Variants in SPDYE16 observed in about 807,000 individuals in gnomAD.
SPDYE16 encodes the protein speedy protein E16.
SPDYE16 carries 5 observed loss-of-function variants against 40.1 expected under a neutral mutation model. That is an observed-to-expected ratio of 0.12 (90% CI 0.07 to 0.26). The LOEUF (loss-of-function observed/expected upper bound fraction) is 0.26. Ranked by LOEUF, SPDYE16 falls within the 10% of genes least tolerant of loss-of-function variation. The pLI is 1.00. For missense variants in SPDYE16, 98 were observed against 409.8 expected (o/e 0.24, Z 6.57); for synonymous variants, 40 against 154.2 (o/e 0.26, Z 5.49).
intron 1 of SPDYE16, among the ~76,000 whole-genome samples, 53 bp from the exon 2 acceptor site, chr7:76,541,933 T>C (rs1260856164): frequency 1.4e-5 from 2 of 145,412 alleles, no homozygotes; most frequent in Non-Finnish European, 3.1e-5. Context: ...GCAGAAACGA[T>C]GAAACCTTAT....
rs368183252 is a variant in SPDYE16, at chr7:76,534,127, C to T, written c.756-8G>A. 7.6e-6 allele frequency: 12 copies of T among 1,586,614 alleles called. No homozygotes were observed. In the East Asian group the frequency reaches 2.5e-4, roughly 33 times the overall value. ...ATGTCATTGGCCAGGTAGCTGAGGA[C>T]AGAAATCAGGTTGCTGCTCAGGGGC... On this transcript the variant is annotated splice_polypyrimidine_tract_variant and splice_region_variant and intron_variant, in intron 6 of 8. Transcript: ENST00000633306.
At chr7:76,539,205 G>T (rs1813110229) in intron 3 of SPDYE16, among the ~76,000 whole-genome samples, 1 of 97,788 alleles carries the variant, frequency 1.0e-5, no homozygotes, top group Non-Finnish European at 2.0e-5. Flanking sequence ...AGCCTCCCAA[G>T]TAGCTGGGAT....
intron 2 of SPDYE16, 67 bp downstream of exon 2, chr7:76,541,233 C>A: frequency 6.7e-7 from 1 of 1,483,886 alleles, no homozygotes; most frequent in East Asian, 2.5e-5. Context: ...CGTGAGCCAC[C>A]GCACCTGGCC....
chr7:76,542,116 G>GTGAGATTATCACGTGCAAGAGTGAGATT (rs777822515), intron 1 of SPDYE16, among the ~76,000 whole-genome samples: 1 of 152,022 alleles, frequency 6.6e-6, no homozygotes, highest in Non-Finnish European at 1.5e-5. Context: ...ATGTACAAGA[G>GTGAGATTATCACGTGCAAGAGTGAGATT]ATCCCAGGAA....
In SPDYE16 at chr7:76,531,714, A is replaced by G. The variant is rs1351515979; in HGVS notation, c.*1126T>C. 2.4e-5 allele frequency: 2 copies of G among 81,796 alleles called. 1 individual carries two copies. Among genetic ancestry groups the G allele is most frequent in the Non-Finnish European group, 4.8e-5 (2 of 42,084 alleles). The allele number at this position is 81,796 out of a possible 1,614,324, so 5.1% of individuals were successfully genotyped here. A position where few individuals can be genotyped will look rare whatever the true frequency, so the allele number is the denominator to read the frequency against. On this transcript the variant is annotated 3_prime_UTR_variant, in exon 9 of 9. Transcript: ENST00000633306. ...AAAGCAAAATTATACGTATGTGTAT[A>G]TAACAGTTATAACACCCATCACACA...
At chr7:76,541,189 C>G in intron 2 of SPDYE16, 111 bp downstream of exon 2, 4 of 1,446,314 alleles carry the variant, frequency 2.8e-6, no homozygotes, top group Non-Finnish European at 3.6e-6. Context: ...GGTGATCCGC[C>G]CGCCTCAGCC....
intron 3 of SPDYE16, among the ~76,000 whole-genome samples, chr7:76,539,447 CTTTTTTTTT>C (rs1193621613): frequency 3.3e-5 from 1 of 30,264 alleles, no homozygotes; most frequent in Non-Finnish European, 5.3e-5. Context: ...GCCCTTCCTT[CTTTTTTTTT>C]TTTTTTTTTT....
chr7:76,532,149 TAATA>T lies in SPDYE16; in HGVS notation c.*687_*690del, dbSNP rs1812938939. 2.4e-5 allele frequency: 2 copies of T among 82,386 alleles called. 1 individual carries two copies. The highest frequency in any genetic ancestry group is 8.4e-4 in the South Asian group (2 of 2,388). The allele number at this position is 82,386 out of a possible 1,614,324, so 5.1% of individuals were successfully genotyped here. A position where few individuals can be genotyped will look rare whatever the true frequency, so the allele number is the denominator to read the frequency against. The stretch of plus-strand genomic sequence containing the variant: ...AATAATACAGAAACAAATTTAAAGA[TAATA>T]AAATATTTAGGATAAAAAGAATTGT... On this transcript the variant is annotated 3_prime_UTR_variant, in exon 9 of 9. Transcript: ENST00000633306.
At position 76,533,334 on chromosome 7, in the gene SPDYE16, A is replaced by G; in HGVS notation, c.*45+315T>C. 4 of 635,352 alleles carry G rather than the reference A, an allele frequency of 6.3e-6. 1 individual carries two copies. Among genetic ancestry groups the G allele is most frequent in the Non-Finnish European group, 8.1e-6 (4 of 496,202 alleles). 39.4% of individuals were successfully genotyped at this position (635,352 alleles called of 1,614,324 possible). On this transcript the variant is annotated intron_variant, in intron 8 of 8. Coordinates refer to ENST00000633306, the MANE Select transcript of SPDYE16 (RefSeq NM_001394943.1). ...TAACTCAAGTGCGTCAGTCATAATG[A>G]ACCTCCCCAAACTCAGTATTTATGA...
chr7:76,541,368 C>T lies in SPDYE16; in HGVS notation c.92G>A (p.Ser31Asn), dbSNP rs1813179664. 2 of 1,534,838 alleles carry T rather than the reference C, an allele frequency of 1.3e-6. No individual in the cohort carries two copies. The highest frequency in any genetic ancestry group is 2.4e-5 in the South Asian group (2 of 83,968). The change falls in exon 2 of 9, where the codon AGT becomes AAT. Residue 31 changes from serine (S) to asparagine (N), a missense_variant. By Grantham distance (46) the Ser-to-Asn change is conservative (BLOSUM62 1). Coordinates refer to ENST00000633306, the MANE Select transcript of SPDYE16 (RefSeq NM_001394943.1). ...SRQPHPQNEQSPQRSTSGYSL... is the reference protein window; with the variant it reads ...SRQPHPQNEQNPQRSTSGYSL... ...GTACCCCGAGGTGCTCCGCTGGGGA[C>T]TCTGCTCATTCTGGGGGTGAGGTTG...
At position 76,536,524 on chromosome 7, in the gene SPDYE16, C is replaced by G. The variant is rs1224071928; in HGVS notation, c.670-267G>C. On this transcript the variant is annotated intron_variant, in intron 5 of 8. Transcript: ENST00000633306. The stretch of plus-strand genomic sequence containing the variant: ...TTTGGAGGGGGTGTGTCTAGGTCGG[C>G]TGGTGTCAGGAGGGTCTTTTGTGTG... 4.1e-5 allele frequency among the ~76,000 whole-genome samples: 4 copies of G among 97,546 alleles called. 1 individual carries two copies. Among genetic ancestry groups the G allele is most frequent in the Non-Finnish European group, 8.4e-5 (4 of 47,688 alleles). The allele number at this position is 97,546 out of a possible 152,430, so 64.0% of individuals were successfully genotyped here.
chr7:76,541,106 A>G (rs112813264), intron 2 of SPDYE16, among the ~76,000 whole-genome samples, 194 bp downstream of exon 2: 48,339 of 94,912 alleles, frequency 0.51, 11,771 homozygotes, highest in Middle Eastern at 0.62. Flanking sequence ...CTACCACTTG[A>G]CTAATTTTTA....
chr7:76,541,187 G>A lies in SPDYE16; in HGVS notation c.160+113C>T, dbSNP rs1345709868. 17 of 1,436,886 alleles carry A rather than the reference G, an allele frequency of 1.2e-5. No individual in the cohort carries two copies. In the East Asian group the frequency reaches 1.8e-4, roughly 15 times the overall value. The allele number at this position is 1,436,886 out of a possible 1,614,324, so 89.0% of individuals were successfully genotyped here. A position where few individuals can be genotyped will look rare whatever the true frequency, so the allele number is the denominator to read the frequency against. ...TTGAACTCCTGACCTCAGGTGATCCGCCCGCCTCAGCCTCCCAAAGTGCTG... is the reference window on the plus strand; with the variant it reads ...TTGAACTCCTGACCTCAGGTGATCCACCCGCCTCAGCCTCCCAAAGTGCTG... On this transcript the variant is annotated intron_variant, in intron 2 of 8. Transcript: ENST00000633306.
At position 76,541,434 on chromosome 7, in the gene SPDYE16, C is replaced by T. The variant is rs1206041024; in HGVS notation, c.26G>A (p.Arg9His). 5.8e-5 allele frequency: 89 copies of T among 1,534,612 alleles called. No homozygotes were observed. The highest frequency in any genetic ancestry group is 6.9e-5 in the Non-Finnish European group (79 of 1,146,656). The stretch of plus-strand genomic sequence containing the variant: ...CTTTCCCTTAATCTGTCCCCTCTTA[C>T]GGAACCTAGTCTCCGTTCTGTCCAT... MDRTETRF[R>H]KRGQIKGKIT... is the part of the protein sequence containing the mutation. The change falls in exon 2 of 9, where the codon CGT (arginine) becomes CAT (histidine). Residue 9 changes from arginine (R) to histidine (H), a missense_variant. By Grantham distance (29) the Arg-to-His change is conservative. Coordinates refer to ENST00000633306, the MANE Select transcript of SPDYE16 (RefSeq NM_001394943.1).
rs1488736848 is a variant in SPDYE16, at chr7:76,534,471, A to C, written c.756-352T>G. Among the ~76,000 whole-genome samples, 5 of 86,276 alleles carry C rather than the reference A, an allele frequency of 5.8e-5. 1 individual carries two copies. Among genetic ancestry groups the C allele is most frequent in the African/African-American group, 1.3e-4 (2 of 15,944 alleles). The allele number at this position is 86,276 out of a possible 152,430, so 56.6% of individuals were successfully genotyped here. A position where few individuals can be genotyped will look rare whatever the true frequency, so the allele number is the denominator to read the frequency against. On this transcript the variant is annotated intron_variant, in intron 6 of 8. Transcript: ENST00000633306. Reference sequence around the variant, plus strand: ...CTCGTCTCTATTAAAAATATAAGAAATATGCCAGACGCGGTGGCTCATGCC... The same window carrying C: ...CTCGTCTCTATTAAAAATATAAGAACTATGCCAGACGCGGTGGCTCATGCC...
At chr7:76,535,199 T>G (rs1584285558) in intron 6 of SPDYE16, among the ~76,000 whole-genome samples, 2 of 99,642 alleles carry the variant, frequency 2.0e-5, no homozygotes, top group East Asian at 2.9e-4. Context: ...CAAAGTCGAG[T>G]GGAGGGCATT....
intron 1 of SPDYE16, among the ~76,000 whole-genome samples, chr7:76,542,123 G>A (rs2868324): frequency 1.5e-4 from 23 of 150,374 alleles, no homozygotes; most frequent in Admixed American, 4.7e-4. Flanking sequence ...AGAGATCCCA[G>A]GAATACTGAC....
intron 1 of SPDYE16, among the ~76,000 whole-genome samples, 142 bp downstream of exon 1, chr7:76,543,033 GC>G (rs1276150142): frequency 2.1e-5 from 3 of 140,804 alleles, no homozygotes; most frequent in Admixed American, 7.2e-5. Context: ...GGTGGTGGAT[GC>G]CTGTAATCGC....
At position 76,541,370 on chromosome 7, in the gene SPDYE16, C is replaced by G. The variant is rs1813179828; in HGVS notation, c.90G>C (p.Gln30His). ...ACCCCGAGGTGCTCCGCTGGGGACT[C>G]TGCTCATTCTGGGGGTGAGGTTGAC... The part of the protein sequence containing the change: ...TSRQPHPQNE[Q>H]SPQRSTSGYS... Residue 30 changes from glutamine to histidine, a missense_variant, in exon 2 of 9, where the codon CAG (glutamine) becomes CAC (histidine). By Grantham distance (24) the Gln-to-His change is conservative (BLOSUM62 0). Transcript: ENST00000633306. 9.8e-6 allele frequency: 15 copies of G among 1,534,842 alleles called. No homozygotes were observed. The highest frequency in any genetic ancestry group is 4.9e-5 in the East Asian group (2 of 40,896).
Sources: allele counts gnomAD v4.1 joint callset (sites outside exome capture counted in the v4.1 genomes callset), GRCh38; gene constraint gnomAD v4.1.1; transcripts MANE v1.5; gene names NCBI Gene and HGNC (gene_info 2026-07-23, HGNC 2026-07-21).